SEMA3D: variants seen among roughly 807,000 people sequenced by gnomAD.
SEMA3D encodes semaphorin-3D.
In SEMA3D, 84 loss-of-function variants were observed where a neutral mutation model predicts 100.1. That is an observed-to-expected ratio of 0.84 (90% CI 0.70 to 1.01). The LOEUF (loss-of-function observed/expected upper bound fraction) is 1.01, where lower values mean the gene tolerates loss of function less well. SEMA3D is among the 50% of genes least tolerant of loss of function. The pLI, the probability that SEMA3D is intolerant of heterozygous loss-of-function variation, is 0.00. For synonymous variants in SEMA3D, 312 were observed against 320.7 expected (o/e 0.97, Z 0.29); for missense variants, 875 against 934.1 (o/e 0.94, Z 0.82).
the SEMA3D span, among the ~76,000 whole-genome samples, chr7:85,238,535 T>C: frequency 1.3e-5 from 2 of 152,196 alleles, no homozygotes; most frequent in Admixed American, 1.3e-4. Flanking sequence ...TTCTGGGCTA[T>C]CTATTCTATT....
intron 11 of SEMA3D, among the ~76,000 whole-genome samples, chr7:85,037,335 T>G (rs768468297): frequency 6.6e-6 from 1 of 152,150 alleles, no homozygotes; most frequent in Non-Finnish European, 1.5e-5. Context: ...TGGCACCTGA[T>G]AGATAAACAG....
the SEMA3D span, among the ~76,000 whole-genome samples, chr7:85,218,895 C>CCTTAG: frequency 6.6e-6 from 1 of 151,962 alleles, no homozygotes; most frequent in Non-Finnish European, 1.5e-5. Flanking sequence ...TTCAATAAGC[C>CCTTAG]CTCAGTTAGC....
At chr7:85,089,126 G>A (rs1276978321) in intron 4 of SEMA3D, among the ~76,000 whole-genome samples, 1 of 152,156 alleles carries the variant, frequency 6.6e-6, no homozygotes, top group Non-Finnish European at 1.5e-5. Flanking sequence ...TTAGGTAGGT[G>A]TGAATCTCAG....
At chr7:85,073,400 C>T (rs555003544) in intron 5 of SEMA3D, among the ~76,000 whole-genome samples, 247 of 151,820 alleles carry the variant, frequency 1.6e-3, no homozygotes, top group African/African-American at 5.3e-3. Context: ...ATGAATTAGA[C>T]GTCCATATTT....
chr7:85,042,869 GA>G (rs905316090), intron 9 of SEMA3D, among the ~76,000 whole-genome samples: 14 of 152,036 alleles, frequency 9.2e-5, no homozygotes, highest in East Asian at 1.9e-4. Context: ...AGTAAATGGG[GA>G]AAAAAAGTCT....
chr7:85,188,389 C>T (rs1046331490), upstream of SEMA3D, among the ~76,000 whole-genome samples: 7 of 152,136 alleles, frequency 4.6e-5, no homozygotes, highest in East Asian at 1.9e-4. Flanking sequence ...TTTAAATCCT[C>T]GTAGACTATT....
chr7:85,202,494 TCG>T, the SEMA3D span, among the ~76,000 whole-genome samples: 5 of 152,062 alleles, frequency 3.3e-5, no homozygotes, highest in African/African-American at 1.2e-4. Context: ...GTCTTTGCTA[TCG>T]TGAATAAACT....
intron 3 of SEMA3D, among the ~76,000 whole-genome samples, chr7:85,115,408 A>G (rs1034260552): frequency 1.1e-4 from 17 of 152,188 alleles, no homozygotes; most frequent in Non-Finnish European, 2.4e-4. Flanking sequence ...CTCAATATGA[A>G]TCTTCAGTGA....
chr7:85,057,685 C>A (rs945912391), intron 8 of SEMA3D, among the ~76,000 whole-genome samples: 1 of 152,138 alleles, frequency 6.6e-6, no homozygotes, highest in Non-Finnish European at 1.5e-5. Flanking sequence ...ATAATCCCAG[C>A]ACTTTGGGAG....
intron 2 of SEMA3D, among the ~76,000 whole-genome samples, chr7:85,148,726 T>C (rs1790283519): frequency 6.6e-6 from 1 of 152,098 alleles, no homozygotes. Flanking sequence ...TTAGAAACTT[T>C]GAAAAAAATT....
intron 17 of SEMA3D, among the ~76,000 whole-genome samples, chr7:85,012,361 T>A (rs1789978432): frequency 6.6e-6 from 1 of 151,774 alleles, no homozygotes; most frequent in Non-Finnish European, 1.5e-5. Flanking sequence ...TGAATATAAA[T>A]AAAGTATAGA....
intron 18 of SEMA3D, 34 bp from the exon 19 acceptor site, chr7:84,999,899 A>T (rs1217138321): frequency 1.3e-6 from 2 of 1,573,778 alleles, no homozygotes; most frequent in Admixed American, 3.4e-5. Flanking sequence ...TAATAAATTA[A>T]ACACAGAGAG....
intron 3 of SEMA3D, among the ~76,000 whole-genome samples, chr7:85,105,325 A>T (rs1257182226): frequency 6.6e-6 from 1 of 152,024 alleles, no homozygotes; most frequent in Non-Finnish European, 1.5e-5. Context: ...TTTTTGTCCA[A>T]GGCAAGGCAT....
At chr7:85,092,575 T>C (rs529263277) in intron 4 of SEMA3D, among the ~76,000 whole-genome samples, 1 of 152,164 alleles carries the variant, frequency 6.6e-6, no homozygotes, top group East Asian at 1.9e-4. Context: ...CACTAAGATA[T>C]ATATTAAATG....
chr7:85,230,050 T>C, the SEMA3D span, among the ~76,000 whole-genome samples: 19,475 of 152,194 alleles, frequency 0.13, 2,677 homozygotes, highest in African/African-American at 0.34. Flanking sequence ...TTGTGCCTTG[T>C]CAATCTCTTA....
chr7:85,160,283 T>C (rs1790712055), intron 1 of SEMA3D, among the ~76,000 whole-genome samples: 1 of 151,942 alleles, frequency 6.6e-6, no homozygotes, highest in Non-Finnish European at 1.5e-5. Context: ...CAGAGATTAC[T>C]ATCAACCCAG....
the SEMA3D span, among the ~76,000 whole-genome samples, chr7:85,223,743 A>G: frequency 1.8e-4 from 27 of 152,196 alleles, no homozygotes; most frequent in South Asian, 5.4e-3. Context: ...GAATAATACA[A>G]TGAACTTTGG....
the SEMA3D span, among the ~76,000 whole-genome samples, chr7:85,217,997 T>C: frequency 6.6e-6 from 1 of 152,110 alleles, no homozygotes; most frequent in Non-Finnish European, 1.5e-5. Flanking sequence ...ATAATCATTT[T>C]GCTATTTACA....
chr7:85,141,271 T>C, intron 2 of SEMA3D: 1 of 984,516 alleles, frequency 1.0e-6, no homozygotes, highest in Non-Finnish European at 1.2e-6. Flanking sequence ...AGTTATTCCT[T>C]TTAAAATGCT....
Sources: gnomAD v4.1 joint callset for allele counts (sites outside exome capture counted in the v4.1 genomes callset) on GRCh38, gnomAD v4.1.1 for gene constraint, MANE v1.5 for transcripts, NCBI Gene and HGNC (gene_info 2026-07-23, HGNC 2026-07-21) for gene names.